Variants in FAM117B observed in about 807,000 individuals in gnomAD.
FAM117B encodes the protein family with sequence similarity 117 member B, also known as protein FAM117B.
In FAM117B, 22 loss-of-function variants were observed where a neutral mutation model predicts 52.8. That is an observed-to-expected ratio of 0.42 (90% CI 0.30 to 0.59). The LOEUF (loss-of-function observed/expected upper bound fraction) is 0.59. Ranked by LOEUF, FAM117B falls within the 20% of genes least tolerant of loss-of-function variation. FAM117B has a pLI of 0.22. For missense variants in FAM117B, 678 were observed against 802.6 expected (o/e 0.84, Z 1.88); for synonymous variants, 309 against 324.1 (o/e 0.95, Z 0.50).
chr2:202,650,508 G>T (rs188590813), intron 1 of FAM117B, among the ~76,000 whole-genome samples: 2 of 152,244 alleles, frequency 1.3e-5, no homozygotes, highest in East Asian at 3.9e-4. Flanking sequence ...GAACTAATAG[G>T]ATAGATGTAT....
In FAM117B at chr2:202,731,128, T is replaced by TA. The variant is rs1464599465; in HGVS notation, c.960+4770dup. Reference sequence around the variant, plus strand: ...AACTCAGTAATTTAACAAAAACATTTAAAAATGGGCACAGGATCTGAACAG... The same window carrying TA: ...AACTCAGTAATTTAACAAAAACATTTAAAAAATGGGCACAGGATCTGAACAG... On this transcript the variant is annotated intron_variant, in intron 4 of 7. Coordinates refer to ENST00000392238, the MANE Select transcript of FAM117B (RefSeq NM_173511.4). Among the ~76,000 whole-genome samples, 5 of 151,792 alleles carry TA rather than the reference T, an allele frequency of 3.3e-5. 1 individual carries two copies. The highest frequency in any genetic ancestry group is 1.2e-4 in the African/African-American group (5 of 41,450).
chr2:202,665,975 A>T (rs1447645181), intron 1 of FAM117B, among the ~76,000 whole-genome samples: 2 of 152,206 alleles, frequency 1.3e-5, no homozygotes, highest in South Asian at 2.1e-4. Flanking sequence ...CAAACCATTC[A>T]TCCTACTCAC....
intron 6 of FAM117B, 121 bp from the exon 7 acceptor site, chr2:202,759,112 C>A: frequency 1.0e-6 from 1 of 994,432 alleles, no homozygotes; most frequent in Non-Finnish European, 1.5e-6. Flanking sequence ...CATTAATTAT[C>A]TCCTTGATTA....
intron 1 of FAM117B, among the ~76,000 whole-genome samples, chr2:202,686,019 G>A (rs1335219738): frequency 2.1e-4 from 32 of 152,154 alleles, no homozygotes; most frequent in Admixed American, 1.8e-3. Context: ...AAAACTGTTT[G>A]TATGCATATA....
chr2:202,652,293 G>T (rs900630432), intron 1 of FAM117B, among the ~76,000 whole-genome samples: 5 of 151,890 alleles, frequency 3.3e-5, no homozygotes, highest in African/African-American at 4.8e-5. Flanking sequence ...TAGAGATGGG[G>T]TCTCACTATG....
At chr2:202,691,503 A>T (rs568431389) in intron 1 of FAM117B, among the ~76,000 whole-genome samples, 5,913 of 52,970 alleles carry the variant, frequency 0.11, 158 homozygotes, top group Non-Finnish European at 0.18. Context: ...TTTTTAATTA[A>T]AAAAAAAAAT....
chr2:202,689,779 G>A (rs1328680686), intron 1 of FAM117B, among the ~76,000 whole-genome samples: 3 of 152,030 alleles, frequency 2.0e-5, no homozygotes, highest in Non-Finnish European at 1.5e-5. Flanking sequence ...TTAACTGGGT[G>A]TAGTGGTGCG....
At chr2:202,645,543 C>T (rs1308716876) in intron 1 of FAM117B, among the ~76,000 whole-genome samples, 1 of 151,956 alleles carries the variant, frequency 6.6e-6, no homozygotes, top group East Asian at 1.9e-4. Context: ...CCCGCCTCGG[C>T]CTCCCAAAGT....
At chr2:202,721,423 AT>A (rs1388370727) in intron 2 of FAM117B, among the ~76,000 whole-genome samples, 1 of 152,054 alleles carries the variant, frequency 6.6e-6, no homozygotes, top group Non-Finnish European at 1.5e-5. Flanking sequence ...TATTATGGTC[AT>A]TTTTTTCATC....
At chr2:202,654,223 A>G (rs1690019759) in intron 1 of FAM117B, among the ~76,000 whole-genome samples, 1 of 151,664 alleles carries the variant, frequency 6.6e-6, no homozygotes, top group Non-Finnish European at 1.5e-5. Context: ...CTTTAAGAAC[A>G]CTTACTGAGA....
chr2:202,650,930 C>T (rs1186083085), intron 1 of FAM117B, among the ~76,000 whole-genome samples: 1 of 152,114 alleles, frequency 6.6e-6, no homozygotes, highest in African/African-American at 2.4e-5. Flanking sequence ...ATATTAATCT[C>T]CTTTGGCAAC....
chr2:202,697,534 A>AT (rs1204261808), intron 2 of FAM117B, among the ~76,000 whole-genome samples: 41 of 145,040 alleles, frequency 2.8e-4, no homozygotes, highest in East Asian at 1.6e-3. Flanking sequence ...TTTTTTGAAG[A>AT]TTTTTTTTTT....
intron 4 of FAM117B, among the ~76,000 whole-genome samples, chr2:202,748,000 A>G (rs1691660159): frequency 1.3e-5 from 2 of 152,170 alleles, no homozygotes; most frequent in Non-Finnish European, 2.9e-5. Flanking sequence ...AAGTCCCCAA[A>G]TAGAGCCATA....
At chr2:202,673,954 T>C (rs1362069338) in intron 1 of FAM117B, among the ~76,000 whole-genome samples, 3 of 152,182 alleles carry the variant, frequency 2.0e-5, no homozygotes, top group Non-Finnish European at 4.4e-5. Context: ...TTAATCCGCA[T>C]AGCAATCTAG....
chr2:202,688,835 A>G (rs1690581382), intron 1 of FAM117B, among the ~76,000 whole-genome samples: 1 of 152,202 alleles, frequency 6.6e-6, no homozygotes, highest in Non-Finnish European at 1.5e-5. Context: ...TATCTTGAAT[A>G]TAGTAATTTG....
intron 7 of FAM117B, among the ~76,000 whole-genome samples, chr2:202,762,547 T>C (rs2105801631): frequency 6.6e-6 from 1 of 152,362 alleles, no homozygotes; most frequent in South Asian, 2.1e-4. Flanking sequence ...ACAATCCTTT[T>C]AGAATAACTG....
intron 2 of FAM117B, among the ~76,000 whole-genome samples, chr2:202,714,723 G>A (rs1691016713): frequency 6.6e-6 from 1 of 151,686 alleles, no homozygotes; most frequent in Non-Finnish European, 1.5e-5. Flanking sequence ...ATTAGGGAGT[G>A]GTGATGACTC....
At chr2:202,687,070 A>G (rs1403481551) in intron 1 of FAM117B, among the ~76,000 whole-genome samples, 1 of 152,148 alleles carries the variant, frequency 6.6e-6, no homozygotes, top group Non-Finnish European at 1.5e-5. Flanking sequence ...GAGTTGACAT[A>G]ATTACCACCA....
chr2:202,759,789 C>A (rs138143079), intron 7 of FAM117B, among the ~76,000 whole-genome samples: 1,791 of 152,220 alleles, frequency 0.012, 21 homozygotes, highest in Non-Finnish European at 0.018. Context: ...AATCTCCTGA[C>A]TTCGTGATCC....
Sources: gnomAD v4.1 joint callset for allele counts (sites outside exome capture counted in the v4.1 genomes callset) on GRCh38, gnomAD v4.1.1 for gene constraint, MANE v1.5 for transcripts, NCBI Gene and HGNC (gene_info 2026-07-23, HGNC 2026-07-21) for gene names.